The following MAP7 variants were observed in gnomAD, a reference collection of about 807,000 sequenced individuals.
The protein encoded by MAP7 is ensconsin.
MAP7 carries 52 observed loss-of-function variants against 94.8 expected under a neutral mutation model. The observed-to-expected ratio is 0.55, with a 90% confidence interval of 0.44 to 0.69. The LOEUF is 0.69. Ranked by LOEUF, MAP7 falls within the 30% of genes least tolerant of loss-of-function variation. The pLI is 0.00. For missense variants in MAP7, 940 were observed against 964.6 expected, an observed-to-expected ratio of 0.97 and a Z score of 0.34; for synonymous variants, 350 against 357.0, an observed-to-expected ratio of 0.98 and a Z score of 0.22.
chr6:136,352,214 G>GTTTTTTTTTTTTTTTTTTTT (rs1789446321), intron 16 of MAP7, among the ~76,000 whole-genome samples: 1 of 149,312 alleles, frequency 6.7e-6, no homozygotes, highest in Non-Finnish European at 1.5e-5. Context: ...TTTTAACAGG[G>GTTTTTTTTTTTTTTTTTTTT]TCCCACTCTG....
chr6:136,456,596 C>G (rs1222100473), intron 1 of MAP7, among the ~76,000 whole-genome samples: 1 of 151,516 alleles, frequency 6.6e-6, no homozygotes, highest in Non-Finnish European at 1.5e-5. Context: ...CACCTGATCC[C>G]AGGAGATCAA....
At chr6:136,404,656 T>C (rs989661709) in intron 3 of MAP7, among the ~76,000 whole-genome samples, 3 of 152,214 alleles carry the variant, frequency 2.0e-5, no homozygotes, top group African/African-American at 7.2e-5. Flanking sequence ...TGACTCTTCA[T>C]ATAAAAATTT....
intron 1 of MAP7, among the ~76,000 whole-genome samples, chr6:136,428,666 G>C (rs1794003558): frequency 6.6e-6 from 1 of 152,132 alleles, no homozygotes; most frequent in African/African-American, 2.4e-5. Flanking sequence ...ATTCCTAAGG[G>C]ATAGGACTGG....
At chr6:136,350,920 T>C (rs1159686511) in intron 16 of MAP7, among the ~76,000 whole-genome samples, 1 of 151,124 alleles carries the variant, frequency 6.6e-6, no homozygotes, top group Non-Finnish European at 1.5e-5. Context: ...GATGGAAGAG[T>C]TTAAGTGGCA....
At chr6:136,397,490 CCCCG>C in intron 3 of MAP7, among the ~76,000 whole-genome samples, 1 of 146,896 alleles carries the variant, frequency 6.8e-6, no homozygotes, top group Non-Finnish European at 1.5e-5. Flanking sequence ...CTGAATTGTT[CCCCG>C]CCCACCTTGC....
intron 1 of MAP7, among the ~76,000 whole-genome samples, chr6:136,504,464 T>C (rs1820776774): frequency 6.6e-6 from 1 of 151,570 alleles, no homozygotes; most frequent in Non-Finnish European, 1.5e-5. Context: ...TTCTCTTGCC[T>C]CAGCCTCCCA....
At chr6:136,452,134 C>T (rs1801308563) in intron 1 of MAP7, among the ~76,000 whole-genome samples, 1 of 152,084 alleles carries the variant, frequency 6.6e-6, no homozygotes. Flanking sequence ...GCAGAGGTTG[C>T]AGTGAGCCGA....
chr6:136,362,801 T>A (rs935322186), intron 10 of MAP7, 99 bp from the exon 11 acceptor site: 2 of 1,483,772 alleles, frequency 1.3e-6, no homozygotes, highest in African/African-American at 2.8e-5. Context: ...GAATTTACCA[T>A]TATGAAAGAA....
In MAP7 at chr6:136,540,764, C is replaced by T. The variant is rs375707217; in HGVS notation, c.67+9578G>A. On this transcript the variant is annotated intron_variant, in intron 1 of 17. Coordinates refer to ENST00000354570, the MANE Select transcript of MAP7 (RefSeq NM_003980.6). ...ATTAGTTCTCAGCACTGATTGCACA[C>T]CAGACCATCTGGGGAATTTTAAAAA... Among the ~76,000 whole-genome samples, 34 of 152,294 alleles carry T rather than the reference C, an allele frequency of 2.2e-4. No homozygotes were observed. In the East Asian group the frequency reaches 5.0e-3, roughly 23 times the overall value.
intron 1 of MAP7, among the ~76,000 whole-genome samples, chr6:136,425,612 C>T (rs183135199): frequency 4.3e-4 from 65 of 152,100 alleles, no homozygotes; most frequent in African/African-American, 1.5e-3. Flanking sequence ...TTCAAATATA[C>T]CTGCCAGGAG....
At chr6:136,525,296 T>A (rs147705488) in intron 1 of MAP7, among the ~76,000 whole-genome samples, 3 of 152,328 alleles carry the variant, frequency 2.0e-5, no homozygotes, top group Non-Finnish European at 4.4e-5. Context: ...ACCCTCCACA[T>A]TCGCCCTCAA....
rs903446902 is a variant in MAP7 at position 136,477,870 on chromosome 6, C to T, written c.68-56071G>A. 4.5e-4 allele frequency among the ~76,000 whole-genome samples: 69 copies of T among 152,184 alleles called. 1 individual carries two copies. Among genetic ancestry groups the T allele is most frequent in the African/African-American group, 1.5e-3 (62 of 41,438 alleles). Reference sequence around the variant, plus strand: ...GCAGAATACACATTCTTCTCCTCAGCACATGGATCATTCTCAAGGTTGGAA... The same window carrying T: ...GCAGAATACACATTCTTCTCCTCAGTACATGGATCATTCTCAAGGTTGGAA... On this transcript the variant is annotated intron_variant, in intron 1 of 17. Transcript: ENST00000354570.
intron 1 of MAP7, among the ~76,000 whole-genome samples, chr6:136,435,793 C>T (rs1010090609): frequency 5.3e-5 from 8 of 152,096 alleles, no homozygotes; most frequent in Non-Finnish European, 1.0e-4. Flanking sequence ...AGCAAGAAAA[C>T]CTGCTTTAGA....
At chr6:136,361,712 C>T (rs1792851237) in intron 11 of MAP7, among the ~76,000 whole-genome samples, 1 of 152,146 alleles carries the variant, frequency 6.6e-6, no homozygotes, top group Non-Finnish European at 1.5e-5. Context: ...TGACATTCGT[C>T]TTATTAGGCC....
intron 1 of MAP7, among the ~76,000 whole-genome samples, chr6:136,521,470 T>C (rs749664083): frequency 6.6e-6 from 1 of 152,290 alleles, no homozygotes; most frequent in South Asian, 2.1e-4. Context: ...GTAAAAGTCA[T>C]TTAGAGTCAA....
At chr6:136,449,002 T>A (rs1438638057) in intron 1 of MAP7, among the ~76,000 whole-genome samples, 4 of 67,752 alleles carry the variant, frequency 5.9e-5, no homozygotes, top group Non-Finnish European at 5.9e-5. Context: ...ACAGTGGTGT[T>A]AAAAAAAAAA....
chr6:136,388,443 C>A lies in MAP7; in HGVS notation c.476G>T (p.Arg159Leu). The change falls in exon 5 of 18, where the codon CGT (arginine) becomes CTT (leucine). Residue 159 changes from arginine to leucine, a missense_variant. By Grantham distance (102) the Arg-to-Leu change is moderately radical (BLOSUM62 -2). Coordinates refer to ENST00000354570, the MANE Select transcript of MAP7 (RefSeq NM_003980.6). ...RSQKPKQKHN[R>L]WSWGGSLHGS... ...ATGGAGAGAGCCTCCCCACGACCAA[C>A]GGTTATGCTTCTGTTTTGGCTTCTG... The A allele has an allele frequency of 6.2e-7, 1 of 1,614,140 alleles. No homozygotes were observed. Among genetic ancestry groups the A allele is most frequent in the Non-Finnish European group, 8.5e-7 (1 of 1,180,014 alleles).
chr6:136,476,293 G>C (rs927850902), intron 1 of MAP7: 1 of 152,130 alleles, frequency 6.6e-6, no homozygotes, highest in Admixed American at 6.5e-5. Flanking sequence ...GAGCTGTGCT[G>C]TCCAGTAGGG....
In MAP7 at chr6:136,365,968, G is replaced by T; in HGVS notation, c.1040C>A (p.Ser347Tyr). Reference sequence around the variant, plus strand: ...TTTGACTGAGCCGGGTGGCAAGGAGGATGTCGGTCTGGGTGTGCCAGGCAA... The same window carrying T: ...TTTGACTGAGCCGGGTGGCAAGGAGTATGTCGGTCTGGGTGTGCCAGGCAA... ...PHLPGTPRPT[S>Y]SLPPGSVKAA... The change falls in exon 10 of 18, where the codon TCC becomes TAC. Residue 347 changes from serine to tyrosine, a missense_variant. Coordinates refer to ENST00000354570, the MANE Select transcript of MAP7 (RefSeq NM_003980.6). The T allele has an allele frequency of 6.2e-7, 1 of 1,613,590 alleles. No individual in the cohort carries two copies. Among genetic ancestry groups the T allele is most frequent in the Non-Finnish European group, 8.5e-7 (1 of 1,180,036 alleles).
Sources: allele counts gnomAD v4.1 joint callset (sites outside exome capture counted in the v4.1 genomes callset), GRCh38; gene constraint gnomAD v4.1.1; transcripts MANE v1.5; gene names NCBI Gene and HGNC (gene_info 2026-07-23, HGNC 2026-07-21).